The following PIGU variants were observed in gnomAD, a reference collection of about 807,000 sequenced individuals.
PIGU encodes phosphatidylinositol glycan anchor biosynthesis class U.
A neutral mutation model predicts 49.9 loss-of-function variants in PIGU; 24 were observed. The observed-to-expected ratio is 0.48, with a 90% confidence interval of 0.35 to 0.68. The LOEUF is 0.68. Among genes scored for constraint, PIGU ranks in the 30% least tolerant of loss-of-function variants. The pLI, the probability that PIGU is intolerant of heterozygous loss-of-function variation, is 0.01. For missense variants in PIGU, 490 were observed against 532.6 expected, an observed-to-expected ratio of 0.92 and a Z score of 0.79; for synonymous variants, 220 against 205.7, an observed-to-expected ratio of 1.07 and a Z score of -0.59.
At chr20:34,624,997 T>C (rs141909832) in intron 6 of PIGU, among the ~76,000 whole-genome samples, 264 of 152,362 alleles carry the variant, frequency 1.7e-3, no homozygotes, top group African/African-American at 5.9e-3. Flanking sequence ...CTAAGTTTAC[T>C]TCCACTGCCC....
intron 7 of PIGU, among the ~76,000 whole-genome samples, chr20:34,593,720 A>T (rs1984085626): frequency 1.3e-5 from 2 of 152,246 alleles, no homozygotes; most frequent in South Asian, 4.1e-4. Context: ...ATAAACTCCA[A>T]ATAGCTTAGG....
At chr20:34,599,258 GC>G (rs1600615566) in intron 7 of PIGU, among the ~76,000 whole-genome samples, 2 of 151,996 alleles carry the variant, frequency 1.3e-5, no homozygotes, top group East Asian at 3.9e-4. Flanking sequence ...CTTGAGACCA[GC>G]CTGGGCAACA....
chr20:34,630,101 A>G (rs1985648740), intron 6 of PIGU, among the ~76,000 whole-genome samples: 1 of 152,068 alleles, frequency 6.6e-6, no homozygotes, highest in Admixed American at 6.6e-5. Context: ...TGGCATAGAG[A>G]AAAAAATCAA....
chr20:34,658,695 A>C (rs1325820593), intron 1 of PIGU, among the ~76,000 whole-genome samples: 1 of 145,810 alleles, frequency 6.9e-6, no homozygotes, highest in Middle Eastern at 3.8e-3. Context: ...CCGTCTGAGA[A>C]GTGAGGAGAC....
chr20:34,561,954 C>T (rs1982534013), intron 11 of PIGU, among the ~76,000 whole-genome samples: 1 of 152,204 alleles, frequency 6.6e-6, no homozygotes, highest in African/African-American at 2.4e-5. Flanking sequence ...TGTGCCTCCT[C>T]CCCTGGCCCG....
intron 10 of PIGU, among the ~76,000 whole-genome samples, chr20:34,577,640 G>A (rs1983290686): frequency 6.6e-6 from 1 of 152,154 alleles, no homozygotes; most frequent in South Asian, 2.1e-4. Flanking sequence ...TGCTGGAAGT[G>A]GAGAGGCAGA....
chr20:34,647,434 G>A (rs532165704), intron 2 of PIGU, among the ~76,000 whole-genome samples: 2 of 150,806 alleles, frequency 1.3e-5, no homozygotes, highest in East Asian at 3.9e-4. Context: ...GCTAATTTTT[G>A]TATTTTTAGT....
intron 1 of PIGU, among the ~76,000 whole-genome samples, chr20:34,663,492 G>GAAAGA (rs1309793347): frequency 2.0e-5 from 3 of 151,796 alleles, no homozygotes; most frequent in East Asian, 1.9e-4. Flanking sequence ...AACAAAAACA[G>GAAAGA]AAAGAAAAGA....
Position 34,670,835 on chromosome 20 carries a change from T to G in PIGU, c.130+6121A>C, listed in dbSNP as rs186886910. Among the ~76,000 whole-genome samples the G allele has an allele frequency of 8.3e-3, 1,257 of 152,274 alleles. 25 individuals are homozygous for G. Among genetic ancestry groups the G allele is most frequent in the African/African-American group, 0.029 (1,216 of 41,560 alleles). On this transcript the variant is annotated intron_variant, in intron 1 of 11. Transcript: ENST00000217446. Reference sequence around the variant, plus strand: ...CTGGGATTACAGGCTTGAGCCACCATGCCCAGCAACCCTGATTCTCATAGC... The same window carrying G: ...CTGGGATTACAGGCTTGAGCCACCAGGCCCAGCAACCCTGATTCTCATAGC...
chr20:34,564,616 A>G (rs1982668546), intron 11 of PIGU, among the ~76,000 whole-genome samples: 1 of 152,264 alleles, frequency 6.6e-6, no homozygotes, highest in Non-Finnish European at 1.5e-5. Context: ...TTTTCCCTGT[A>G]TAATAAATTT....
At position 34,661,366 on chromosome 20, in the gene PIGU, C is replaced by A. The variant is rs564781203; in HGVS notation, c.131-4122G>T. On this transcript the variant is annotated intron_variant, in intron 1 of 11. Transcript: ENST00000217446. ...TTTTCCATCTTCACCCTCCTCCCAC[C>A]CTCCACCCTCAAGTAGGCCCAGGTA... Among the ~76,000 whole-genome samples, 3 of 152,170 alleles carry A rather than the reference C, an allele frequency of 2.0e-5. No individual in the cohort carries two copies. In the South Asian group the frequency reaches 6.2e-4, roughly 32 times the overall value.
intron 11 of PIGU, among the ~76,000 whole-genome samples, chr20:34,561,943 CTG>C (rs912941453): frequency 1.3e-5 from 2 of 152,220 alleles, no homozygotes; most frequent in Non-Finnish European, 2.9e-5. Flanking sequence ...GACAGCCTGA[CTG>C]TGCCTCCTCC....
intron 7 of PIGU, among the ~76,000 whole-genome samples, chr20:34,594,682 G>A (rs1264285033): frequency 6.6e-6 from 1 of 152,190 alleles, no homozygotes; most frequent in Non-Finnish European, 1.5e-5. Flanking sequence ...GCTGGGGCAG[G>A]AGAATCACTT....
At chr20:34,632,056 G>T (rs1791459182) in intron 6 of PIGU, among the ~76,000 whole-genome samples, 1 of 151,260 alleles carries the variant, frequency 6.6e-6, no homozygotes, top group African/African-American at 2.4e-5. Flanking sequence ...GCCCAGGCTG[G>T]TCTCAAATTC....
intron 2 of PIGU, 108 bp from the exon 3 acceptor site, chr20:34,645,442 C>A: frequency 7.6e-7 from 1 of 1,321,782 alleles, no homozygotes; most frequent in Non-Finnish European, 9.8e-7. Flanking sequence ...AACTATTATG[C>A]TAGTATTCTC....
At chr20:34,574,063 A>G (rs1600589769) in intron 11 of PIGU, among the ~76,000 whole-genome samples, 1 of 152,384 alleles carries the variant, frequency 6.6e-6, no homozygotes, top group East Asian at 1.9e-4. Flanking sequence ...CATCCAGGCT[A>G]TTACACATAG....
At chr20:34,637,780 C>T (rs1224811458) in intron 5 of PIGU, 96 bp downstream of exon 5, 12 of 1,576,796 alleles carry the variant, frequency 7.6e-6, no homozygotes, top group Non-Finnish European at 1.0e-5. Flanking sequence ...ACTAAGATTG[C>T]AAATCTCCAA....
At chr20:34,613,649 G>GT (rs1984903052) in intron 7 of PIGU, among the ~76,000 whole-genome samples, 1 of 152,052 alleles carries the variant, frequency 6.6e-6, no homozygotes, top group African/African-American at 2.4e-5. Flanking sequence ...TATATTCTTA[G>GT]TGCTTAGACT....
chr20:34,593,653 C>T (rs145237565), intron 7 of PIGU, among the ~76,000 whole-genome samples: 30 of 152,246 alleles, frequency 2.0e-4, no homozygotes, highest in African/African-American at 7.2e-4. Flanking sequence ...GCTAGGACAA[C>T]AAGGTAACCA....
Sources: gnomAD v4.1 joint callset for allele counts (sites outside exome capture counted in the v4.1 genomes callset) on GRCh38, gnomAD v4.1.1 for gene constraint, MANE v1.5 for transcripts, NCBI Gene and HGNC (gene_info 2026-07-23, HGNC 2026-07-21) for gene names.